The following NIFK variants were observed in gnomAD, a reference collection of about 807,000 sequenced individuals.
NIFK encodes MKI67 FHA domain-interacting nucleolar phosphoprotein.
In NIFK, 16 loss-of-function variants were observed where a neutral mutation model predicts 31.7. That is an observed-to-expected ratio of 0.50 (90% CI 0.34 to 0.77). The LOEUF is 0.77. Among genes scored for constraint, NIFK ranks in the 30% least tolerant of loss-of-function variants. The pLI is 0.01. For missense variants in NIFK, 341 were observed against 350.4 expected, an observed-to-expected ratio of 0.97 and a Z score of 0.21; for synonymous variants, 126 against 123.0, an observed-to-expected ratio of 1.02 and a Z score of -0.16.
chr2:121,730,916 T>C lies in NIFK; in HGVS notation c.541A>G (p.Ile181Val), dbSNP rs375879932. Residue 181 changes from isoleucine to valine, a missense_variant, in exon 4 of 7, where the codon ATT becomes GTT. By Grantham distance (29) the Ile-to-Val change is conservative. Coordinates refer to ENST00000285814, the MANE Select transcript of NIFK (RefSeq NM_032390.5). The stretch of plus-strand genomic sequence containing the variant: ...ACCAAAGAAGGAAAATCATAGTCAA[T>C]TCCTTTTTTAGCTAATTTCTTCCTG... ...LLRKKLAKKG[I>V]DYDFPSLILQ... is the part of the protein sequence containing the mutation. 52 of 1,610,762 alleles carry C rather than the reference T, an allele frequency of 3.2e-5. No homozygotes were observed. Among genetic ancestry groups the C allele is most frequent in the African/African-American group, 6.7e-5 (5 of 74,814 alleles).
At chr2:121,733,834 A>C (rs1300141709) in intron 2 of NIFK, among the ~76,000 whole-genome samples, 1 of 152,196 alleles carries the variant, frequency 6.6e-6, no homozygotes, top group African/African-American at 2.4e-5. Flanking sequence ...TTGTGCTGTA[A>C]AACTTTTTTT....
At chr2:121,729,421 C>T (rs2074520559) in intron 4 of NIFK, among the ~76,000 whole-genome samples, 1 of 151,206 alleles carries the variant, frequency 6.6e-6, no homozygotes, top group South Asian at 2.1e-4. Context: ...CTAGCCATAC[C>T]ATAATAAGCT....
chr2:121,730,870 A>G (rs201283953), intron 4 of NIFK, 23 bp downstream of exon 4: 2 of 1,569,476 alleles, frequency 1.3e-6, no homozygotes, highest in East Asian at 4.5e-5. Flanking sequence ...ACAAACCACA[A>G]AAAAGATTTC....
Position 121,731,099 on chromosome 2 carries a change from A to G in NIFK, c.358T>C (p.Phe120Leu), listed in dbSNP as rs1344809784. Residue 120 changes from phenylalanine to leucine, a missense_variant, in exon 4 of 7, where the codon TTT (phenylalanine) becomes CTT (leucine). Phe to Leu is a conservative substitution (Grantham distance 22). Coordinates refer to ENST00000285814, the MANE Select transcript of NIFK (RefSeq NM_032390.5). The stretch of plus-strand genomic sequence containing the variant: ...TTATGTACTTTTTCAGGTGGCATAA[A>G]ATGACCTATTTTCAAAAAGAAAAAA... ...LFGERLLECH[F>L]MPPEKVHKEL... The G allele has an allele frequency of 1.9e-6, 3 of 1,554,242 alleles. No homozygotes were observed. The East Asian group carries it at 6.8e-5, about 35-fold the overall frequency.
chr2:121,735,439 T>A (rs1331818736), intron 2 of NIFK, among the ~76,000 whole-genome samples, 174 bp downstream of exon 2: 1 of 152,180 alleles, frequency 6.6e-6, no homozygotes, highest in African/African-American at 2.4e-5. Flanking sequence ...AAAACAAACT[T>A]TTACAATAAT....
intron 2 of NIFK, among the ~76,000 whole-genome samples, chr2:121,734,864 C>T (rs921896213): frequency 6.6e-6 from 1 of 152,174 alleles, no homozygotes; most frequent in Non-Finnish European, 1.5e-5. Context: ...GGGAAGGGTA[C>T]AAAAGGGACC....
At chr2:121,734,895 T>C (rs749420611) in intron 2 of NIFK, among the ~76,000 whole-genome samples, 7 of 152,292 alleles carry the variant, frequency 4.6e-5, no homozygotes, top group East Asian at 3.9e-4. Context: ...CTACAATCTA[T>C]CTTTACGACA....
At chr2:121,729,730 A>G (rs1443793731) in intron 4 of NIFK, among the ~76,000 whole-genome samples, 1 of 152,212 alleles carries the variant, frequency 6.6e-6, no homozygotes, top group Non-Finnish European at 1.5e-5. Context: ...TCAACTGGCT[A>G]ATAAATGGCA....
chr2:121,732,757 GA>G (rs145845191), intron 2 of NIFK, among the ~76,000 whole-genome samples: 3,078 of 152,264 alleles, frequency 0.02, 33 homozygotes, highest in Non-Finnish European at 0.032. Context: ...GCCGAGGGTG[GA>G]TCATCTGAGG....
intron 2 of NIFK, among the ~76,000 whole-genome samples, chr2:121,734,094 C>G (rs934048651): frequency 6.8e-6 from 1 of 146,094 alleles, no homozygotes; most frequent in Admixed American, 6.7e-5. Context: ...TTGAGACCAG[C>G]CTGGCCAAAA....
intron 2 of NIFK, among the ~76,000 whole-genome samples, chr2:121,734,268 C>G (rs140402556): frequency 3.9e-5 from 6 of 152,034 alleles, no homozygotes; most frequent in African/African-American, 1.4e-4. Flanking sequence ...AAAACAAAAC[C>G]TAATGTTCAA....
rs182622249 is a variant in NIFK at position 121,727,664 on chromosome 2, T to C, written c.*60A>G. ...TTGTATTCCATTGTACCTAGTGAAA[T>C]ACAAAGTCCACTCTCATAAAAATAT... On this transcript the variant is annotated 3_prime_UTR_variant, in exon 7 of 7. Coordinates refer to ENST00000285814, the MANE Select transcript of NIFK (RefSeq NM_032390.5). 7.8e-7 allele frequency: 1 copy of C among 1,284,286 alleles called. No individual in the cohort carries two copies. The highest frequency in any genetic ancestry group is 1.1e-6 in the Non-Finnish European group (1 of 909,642). 79.6% of individuals were successfully genotyped at this position (1,284,286 alleles called of 1,614,324 possible).
At chr2:121,731,212 C>A in intron 3 of NIFK, 108 bp from the exon 4 acceptor site, 1 of 633,140 alleles carries the variant, frequency 1.6e-6, no homozygotes, top group Non-Finnish European at 2.7e-6. Flanking sequence ...CAGTGGCTCA[C>A]ACCTGTAATC....
intron 1 of NIFK, 139 bp downstream of exon 1, chr2:121,736,607 T>C (rs1209910904): frequency 1.3e-5 from 9 of 698,058 alleles, no homozygotes; most frequent in Non-Finnish European, 2.0e-5. Flanking sequence ...TTCGGTCGAA[T>C]CCACTTGGGA....
intron 4 of NIFK, among the ~76,000 whole-genome samples, chr2:121,729,088 G>A (rs1187075786): frequency 6.6e-6 from 1 of 152,080 alleles, no homozygotes; most frequent in Non-Finnish European, 1.5e-5. Context: ...TTGGCTGGGC[G>A]CAGTGGCTCA....
intron 2 of NIFK, among the ~76,000 whole-genome samples, chr2:121,734,384 C>T (rs900409524): frequency 6.6e-6 from 1 of 151,962 alleles, no homozygotes; most frequent in African/African-American, 2.4e-5. Context: ...AAAAATTCAG[C>T]TGAAGAATGA....
In NIFK at chr2:121,730,999, C is replaced by T. The variant is rs772093233; in HGVS notation, c.458G>A (p.Arg153Gln). 11 of 1,612,116 alleles carry T rather than the reference C, an allele frequency of 6.8e-6. No individual in the cohort carries two copies. The highest frequency in any genetic ancestry group is 2.7e-5 in the African/African-American group (2 of 74,800). Reference protein sequence around the residue: ...YPSVKRYNRNRTLTQKLRMEE... With the variant: ...YPSVKRYNRNQTLTQKLRMEE... ...CATCCGTAGCTTTTGTGTTAGTGTC[C>T]GATTCCGATTATACCGTTTCACTGA... Residue 153 changes from arginine (R) to glutamine (Q), a missense_variant, in exon 4 of 7, where the codon CGG (arginine) becomes CAG (glutamine). Arg to Gln is a conservative substitution (Grantham distance 43). Coordinates refer to ENST00000285814, the MANE Select transcript of NIFK (RefSeq NM_032390.5).
chr2:121,730,725 T>C (rs188006580), intron 4 of NIFK, 168 bp downstream of exon 4: 7,322 of 607,708 alleles, frequency 0.012, 70 homozygotes, highest in Non-Finnish European at 0.015. Context: ...GCACCTGTAA[T>C]CCCAACTACT....
Position 121,730,904 on chromosome 2 carries a change from A to G in NIFK, c.553T>C (p.Phe185Leu), listed in dbSNP as rs2074534247. ...TCACGAATATTTACCAAAGAAGGAA[A>G]ATCATAGTCAATTCCTTTTTTAGCT... ...KLAKKGIDYDFPSLILQKTES... is the reference protein window; with the variant it reads ...KLAKKGIDYDLPSLILQKTES... The change falls in exon 4 of 7, where the codon TTT becomes CTT. Residue 185 changes from phenylalanine (F) to leucine (L), a missense_variant. Phe to Leu is a conservative substitution (Grantham distance 22). Transcript: ENST00000285814. 1 of 1,605,424 alleles carries G rather than the reference A, an allele frequency of 6.2e-7. No individual in the cohort carries two copies. Among genetic ancestry groups the G allele is most frequent in the Non-Finnish European group, 8.5e-7 (1 of 1,172,388 alleles).
Sources: allele counts gnomAD v4.1 joint callset (sites outside exome capture counted in the v4.1 genomes callset), GRCh38; gene constraint gnomAD v4.1.1; transcripts MANE v1.5; gene names NCBI Gene and HGNC (gene_info 2026-07-23, HGNC 2026-07-21).